SLC71A2: variants seen among roughly 807,000 people sequenced by gnomAD.
SLC71A2 encodes the protein solute carrier family 71 member 2.
At chr9:94,454,953 G>A in the SLC71A2 span, among the ~76,000 whole-genome samples, 1 of 152,044 alleles carries the variant, frequency 6.6e-6, no homozygotes, top group African/African-American at 2.4e-5. Context: ...TTGTTAATGT[G>A]GCAGGTTTCT....
chr9:94,418,404 T>C, the SLC71A2 span, among the ~76,000 whole-genome samples: 1 of 152,182 alleles, frequency 6.6e-6, no homozygotes, highest in African/African-American at 2.4e-5. Context: ...TTATAATTTT[T>C]ATATTCTATT....
chr9:94,447,036 T>A, the SLC71A2 span: 4 of 651,082 alleles, frequency 6.1e-6, no homozygotes, highest in Non-Finnish European at 1.1e-5. Context: ...GGAAAAAACA[T>A]GTGAACTTGC....
the SLC71A2 span, among the ~76,000 whole-genome samples, chr9:94,447,282 C>CGATTCTCCT: frequency 1.3e-5 from 2 of 151,658 alleles, no homozygotes; most frequent in African/African-American, 4.8e-5. Flanking sequence ...TGAGTTCAAG[C>CGATTCTCCT]GATTCTCCTG....
At chr9:94,381,899 A>G in the SLC71A2 span, among the ~76,000 whole-genome samples, 1 of 152,258 alleles carries the variant, frequency 6.6e-6, no homozygotes, top group Non-Finnish European at 1.5e-5. Flanking sequence ...TGATAATTCT[A>G]GTTCATCCAT....
the SLC71A2 span, among the ~76,000 whole-genome samples, chr9:94,425,140 C>T: frequency 1.3e-5 from 2 of 151,450 alleles, no homozygotes; most frequent in African/African-American, 2.4e-5. Context: ...TCGGCGAAAC[C>T]CCATATCTAC....
chr9:94,453,342 G>T, the SLC71A2 span, among the ~76,000 whole-genome samples: 9 of 151,974 alleles, frequency 5.9e-5, no homozygotes, highest in African/African-American at 2.2e-4. Flanking sequence ...TAGCGACAGG[G>T]TTTCACCCTG....
the SLC71A2 span, chr9:94,459,266 C>A: frequency 6.2e-7 from 1 of 1,614,054 alleles, no homozygotes; most frequent in Non-Finnish European, 8.5e-7. Context: ...CAGTGGAGTT[C>A]AAAAACACAG....
the SLC71A2 span, among the ~76,000 whole-genome samples, chr9:94,431,130 G>A: frequency 6.6e-6 from 1 of 152,130 alleles, no homozygotes; most frequent in East Asian, 1.9e-4. Flanking sequence ...GGCTTAACAT[G>A]GTGAAACTCC....
the SLC71A2 span, among the ~76,000 whole-genome samples, chr9:94,405,489 AC>A: frequency 7.5e-6 from 1 of 133,012 alleles, no homozygotes; most frequent in Non-Finnish European, 1.6e-5. Flanking sequence ...ACAGAGCGAG[AC>A]TCCGTCTCAA....
At chr9:94,379,089 CTTTTT>C in the SLC71A2 span, among the ~76,000 whole-genome samples, 1 of 84,106 alleles carries the variant, frequency 1.2e-5, no homozygotes, top group African/African-American at 4.5e-5. Context: ...TGTGCATTTC[CTTTTT>C]TTTTTTTTTG....
At chr9:94,434,736 C>G in the SLC71A2 span, among the ~76,000 whole-genome samples, 1 of 152,164 alleles carries the variant, frequency 6.6e-6, no homozygotes, top group East Asian at 1.9e-4. Flanking sequence ...TATAATAACT[C>G]TAACCATTAC....
chr9:94,450,493 C>CTT, the SLC71A2 span, among the ~76,000 whole-genome samples: 30 of 102,020 alleles, frequency 2.9e-4, 2 homozygotes, highest in East Asian at 3.2e-3. Flanking sequence ...AATAATGTAA[C>CTT]TTTTTTTTTT....
At chr9:94,444,786 A>G in the SLC71A2 span, among the ~76,000 whole-genome samples, 1 of 152,156 alleles carries the variant, frequency 6.6e-6, no homozygotes, top group Admixed American at 6.5e-5. Flanking sequence ...TATGCAACAC[A>G]TTTCTTTTGT....
the SLC71A2 span, among the ~76,000 whole-genome samples, chr9:94,447,368 CAG>C: frequency 2.0e-5 from 3 of 151,708 alleles, no homozygotes; most frequent in Non-Finnish European, 2.9e-5. Flanking sequence ...TTAGTAGAGA[CAG>C]GGTTTCACCG....
the SLC71A2 span, among the ~76,000 whole-genome samples, chr9:94,446,537 C>T: frequency 1.1e-4 from 16 of 151,922 alleles, no homozygotes; most frequent in Non-Finnish European, 1.6e-4. Flanking sequence ...ATAGGAAGTT[C>T]GGGATCTGTT....
the SLC71A2 span, chr9:94,460,265 G>A: frequency 6.6e-6 from 1 of 152,584 alleles, no homozygotes; most frequent in Non-Finnish European, 1.5e-5. Flanking sequence ...TTAGTAACTG[G>A]ATACGAGTGA....
At chr9:94,428,878 GT>G in the SLC71A2 span, among the ~76,000 whole-genome samples, 1 of 151,066 alleles carries the variant, frequency 6.6e-6, no homozygotes, top group Non-Finnish European at 1.5e-5. Context: ...CGTTTCCATA[GT>G]TTTACCTTTT....
At chr9:94,453,895 G>C in the SLC71A2 span, 125 of 1,128,286 alleles carry the variant, frequency 1.1e-4, no homozygotes, top group African/African-American at 9.0e-4. Context: ...TTCACACACA[G>C]AGCTTGTATT....
chr9:94,424,315 A>G, the SLC71A2 span, among the ~76,000 whole-genome samples: 1 of 151,810 alleles, frequency 6.6e-6, no homozygotes, highest in African/African-American at 2.4e-5. Flanking sequence ...GCTCACTGCA[A>G]CCTCCGCCTT....
Sources: allele counts gnomAD v4.1 joint callset (sites outside exome capture counted in the v4.1 genomes callset), GRCh38; gene constraint gnomAD v4.1.1; transcripts MANE v1.5; gene names NCBI Gene and HGNC (gene_info 2026-07-23, HGNC 2026-07-21).